Variants in NAV3 observed in about 807,000 individuals in gnomAD.
NAV3 encodes neuron navigator 3, also known as pore membrane and/or filament interacting like protein 1.
A neutral mutation model predicts 244.7 loss-of-function variants in NAV3; 87 were observed. The ratio of observed to expected loss-of-function variants is 0.36; its 90% CI spans 0.30 to 0.42. The LOEUF is 0.42. Among genes scored for constraint, NAV3 ranks in the 20% least tolerant of loss-of-function variants. The pLI is 1.00. For synonymous variants in NAV3, 1,126 were observed against 1,042.2 expected (o/e 1.08, Z -1.55); for missense variants, 2,663 against 2,893.3 (o/e 0.92, Z 1.83).
chr12:77,767,065 C>G (rs1869813899), intron 2 of NAV3, among the ~76,000 whole-genome samples: 1 of 151,910 alleles, frequency 6.6e-6, no homozygotes, highest in African/African-American at 2.4e-5. Flanking sequence ...AATTTTTTTA[C>G]AAGGGAAAAA....
chr12:77,837,721 G>T (rs888649059), intron 1 of NAV3, among the ~76,000 whole-genome samples: 1 of 152,160 alleles, frequency 6.6e-6, no homozygotes, highest in African/African-American at 2.4e-5. Context: ...ACTACTGATT[G>T]ACTTAATTAA....
intron 12 of NAV3, among the ~76,000 whole-genome samples, chr12:78,105,522 C>T (rs549269979): frequency 1.3e-5 from 2 of 152,082 alleles, no homozygotes; most frequent in Admixed American, 1.3e-4. Flanking sequence ...TCGTTATATG[C>T]TTGGGATATT....
chr12:77,968,076 T>C (rs984356264), intron 4 of NAV3, among the ~76,000 whole-genome samples: 2 of 152,324 alleles, frequency 1.3e-5, no homozygotes, highest in East Asian at 3.9e-4. Context: ...ACATCATCAA[T>C]ATTTATAAAT....
intron 24 of NAV3, among the ~76,000 whole-genome samples, chr12:78,171,378 G>T (rs1002836813): frequency 2.0e-5 from 3 of 151,686 alleles, no homozygotes; most frequent in African/African-American, 7.2e-5. Flanking sequence ...TTCCTTTTAT[G>T]TTAGGCAACA....
chr12:78,144,937 A>AAAAAAAAAAAAAAAAAAAAAAAC (rs1956798914), intron 20 of NAV3: 1 of 73,570 alleles, frequency 1.4e-5, no homozygotes, highest in Non-Finnish European at 2.7e-5. Flanking sequence ...AAAAAAAAAA[A>AAAAAAAAAAAAAAAAAAAAAAAC]AAAAAAAAAA....
At chr12:77,828,707 A>C (rs1035702020), upstream of NAV3, among the ~76,000 whole-genome samples, 1 of 152,180 alleles carries the variant, frequency 6.6e-6, no homozygotes, top group Admixed American at 6.5e-5. Context: ...TACTGCAAAA[A>C]ATTAGTTGAC....
chr12:78,148,869 G>T lies in NAV3; in HGVS notation c.4735G>T (p.Val1579Phe). The stretch of plus-strand genomic sequence containing the variant: ...AATCCATAAACTGCGGAGAGAGCTG[G>T]TTGCATCACAAGAAAAAGTTGCTAC... ...EQIHKLRREL[V>F]ASQEKVATLT... The change falls in exon 22 of 40, where the codon GTT (valine) becomes TTT (phenylalanine). Residue 1579 changes from valine to phenylalanine, a missense_variant. Physicochemically the swap from Val to Phe is conservative, Grantham distance 50. Coordinates refer to ENST00000397909, the MANE Select transcript of NAV3 (RefSeq NM_001024383.2). 1 of 1,612,796 alleles carries T rather than the reference G, an allele frequency of 6.2e-7. No homozygotes were observed. Among genetic ancestry groups the T allele is most frequent in the Non-Finnish European group, 8.5e-7 (1 of 1,179,368 alleles).
At position 77,580,219 on chromosome 12, in the gene NAV3, AACACACACACACAC is replaced by A. The variant is rs59671759; in HGVS notation, c.72+7983_72+7996del. ...TTTCTTTATTTGGGGGTAGGGTGGG[AACACACACACACAC>A]ACACACACACACACACACACACACA... On this transcript the variant is annotated intron_variant, in intron 2 of 8. Coordinates refer to the NAV3 transcript ENST00000550042. Among the ~76,000 whole-genome samples the A allele has an allele frequency of 5.0e-3, 721 of 145,490 alleles. 1 individual carries two copies. Among genetic ancestry groups the A allele is most frequent in the African/African-American group, 9.3e-3 (358 of 38,350 alleles).
intron 1 of NAV3, among the ~76,000 whole-genome samples, chr12:77,888,254 G>T: frequency 6.6e-6 from 1 of 152,074 alleles, no homozygotes. Context: ...GGAGGTAGAG[G>T]CAGGGGGATT....
intron 2 of NAV3, among the ~76,000 whole-genome samples, chr12:77,647,541 T>C (rs774214815): frequency 6.6e-6 from 1 of 152,080 alleles, no homozygotes; most frequent in African/African-American, 2.4e-5. Flanking sequence ...ACTTGAGATA[T>C]TATGTCTATT....
At chr12:78,087,436 C>CA (rs1207786589) in intron 12 of NAV3, among the ~76,000 whole-genome samples, 1 of 151,856 alleles carries the variant, frequency 6.6e-6, no homozygotes, top group Non-Finnish European at 1.5e-5. Flanking sequence ...GAAGGAACCC[C>CA]AAAGCATCTA....
intron 22 of NAV3, among the ~76,000 whole-genome samples, chr12:78,153,129 A>G (rs1455823963): frequency 6.6e-6 from 1 of 152,044 alleles, no homozygotes; most frequent in African/African-American, 2.4e-5. Context: ...TTACATTTAT[A>G]TGGACTCTAA....
chr12:78,165,480 C>A (rs1386069792), intron 23 of NAV3, among the ~76,000 whole-genome samples: 2 of 151,914 alleles, frequency 1.3e-5, no homozygotes, highest in Admixed American at 6.6e-5. Flanking sequence ...TGTTTCCCTT[C>A]AACATAAAGA....
At chr12:78,175,812 G>T (rs1958197830) in intron 25 of NAV3, among the ~76,000 whole-genome samples, 1 of 135,772 alleles carries the variant, frequency 7.4e-6, no homozygotes, top group Admixed American at 7.7e-5. Context: ...AGAAAAATAA[G>T]ATAACATCTG....
chr12:77,931,535 A>G (rs1008113607), intron 1 of NAV3, among the ~76,000 whole-genome samples: 5 of 152,080 alleles, frequency 3.3e-5, no homozygotes, highest in African/African-American at 4.8e-5. Context: ...CCCCTGGTAA[A>G]CCTCAATTCT....
At chr12:77,680,168 T>C (rs1250236060) in intron 2 of NAV3, among the ~76,000 whole-genome samples, 2 of 152,064 alleles carry the variant, frequency 1.3e-5, no homozygotes, top group African/African-American at 4.8e-5. Flanking sequence ...GATCCAGAGT[T>C]CCAGTGTCTG....
intron 9 of NAV3, among the ~76,000 whole-genome samples, chr12:78,026,766 C>T (rs1410725737): frequency 1.3e-5 from 2 of 151,936 alleles, no homozygotes; most frequent in African/African-American, 4.8e-5. Context: ...AGTGGCATCA[C>T]CAATGGATGG....
chr12:78,158,006 G>A (rs899671531), intron 22 of NAV3, among the ~76,000 whole-genome samples: 1 of 152,064 alleles, frequency 6.6e-6, no homozygotes, highest in Non-Finnish European at 1.5e-5. Context: ...GAAGGAACAT[G>A]TACATTCTAA....
intron 2 of NAV3, among the ~76,000 whole-genome samples, chr12:77,632,354 A>G (rs1314044501): frequency 1.3e-5 from 2 of 152,110 alleles, no homozygotes; most frequent in African/African-American, 4.8e-5. Flanking sequence ...GGTTTAATGG[A>G]CTCAGAGTTC....
Sources: allele counts gnomAD v4.1 joint callset (sites outside exome capture counted in the v4.1 genomes callset), GRCh38; gene constraint gnomAD v4.1.1; transcripts MANE v1.5; gene names NCBI Gene and HGNC (gene_info 2026-07-23, HGNC 2026-07-21).